TRIM68: variants seen among roughly 807,000 people sequenced by gnomAD.
TRIM68 encodes the protein tripartite motif containing 68, also known as E3 ubiquitin-protein ligase TRIM68.
Under a neutral mutation model 41.9 loss-of-function variants are expected in TRIM68, and 36 were observed. The observed-to-expected ratio is 0.86, with a 90% CI of 0.66 to 1.14. The LOEUF (loss-of-function observed/expected upper bound fraction) is 1.14, where lower values mean the gene tolerates loss of function less well. Ranked by LOEUF, TRIM68 falls within the 50% of genes most tolerant of loss-of-function variation. The probability of loss-of-function intolerance (pLI) is 0.00; values close to 1 mark genes in which losing one functional copy is unlikely to be tolerated. For synonymous variants in TRIM68, 225 were observed against 224.6 expected (o/e 1.00, Z -0.02); for missense variants, 632 against 605.1 (o/e 1.04, Z -0.47).
chr11:4,600,112 T>TTAA lies in TRIM68; in HGVS notation c.*163_*164insTTA. 1 of 683,514 alleles carries TTAA rather than the reference T, an allele frequency of 1.5e-6. No homozygotes were observed. Among genetic ancestry groups the TTAA allele is most frequent in the South Asian group, 2.8e-5 (1 of 36,016 alleles). The allele number at this position is 683,514 out of a possible 1,614,324, so 42.3% of individuals were successfully genotyped here. A position where few individuals can be genotyped will look rare whatever the true frequency, so the allele number is the denominator to read the frequency against. ...CTGCTTTTTAAAATAAGTGGTTTCATGACAGACTTCAGCCTGGTAGCAAAG... is the reference window on the plus strand; with the variant it reads ...CTGCTTTTTAAAATAAGTGGTTTCATTAAGACAGACTTCAGCCTGGTAGCAAAG... On this transcript the variant is annotated 3_prime_UTR_variant, in exon 7 of 7. Coordinates refer to ENST00000300747, the MANE Select transcript of TRIM68 (RefSeq NM_018073.8).
chr11:4,602,515 T>C, intron 3 of TRIM68, 103 bp from the exon 4 acceptor site: 1 of 1,443,672 alleles, frequency 6.9e-7, no homozygotes, highest in Non-Finnish European at 9.4e-7. Context: ...ACCAACCACG[T>C]GACAGGCTAT....
At position 4,602,355 on chromosome 11, in the gene TRIM68, ATCG is replaced by A; in HGVS notation, c.577_579del (p.Arg193del). ...TGTGGTGGCTGCTTTTTCTCTAGTA[ATCG>A]CTGGTATTTTTCAAACTCCCATACA... On this transcript the variant is annotated inframe_deletion, in exon 4 of 7. Coordinates refer to ENST00000300747, the MANE Select transcript of TRIM68 (RefSeq NM_018073.8). The A allele has an allele frequency of 6.2e-7, 1 of 1,613,960 alleles. No homozygotes were observed. The highest frequency in any genetic ancestry group is 8.5e-7 in the Non-Finnish European group (1 of 1,179,996).
chr11:4,606,052 AT>A (rs2133201832), intron 1 of TRIM68, among the ~76,000 whole-genome samples: 1 of 152,328 alleles, frequency 6.6e-6, no homozygotes, highest in East Asian at 1.9e-4. Flanking sequence ...TACAAGCTCA[AT>A]TTGTTTTCTT....
chr11:4,605,692 G>C (rs1209384540), intron 1 of TRIM68, 131 bp from the exon 2 acceptor site: 2 of 625,120 alleles, frequency 3.2e-6, no homozygotes, highest in African/African-American at 3.7e-5. Flanking sequence ...TCTTTAATAA[G>C]CATTGGCCTT....
At chr11:4,603,825 G>C (rs959251553) in intron 2 of TRIM68, among the ~76,000 whole-genome samples, 1 of 152,126 alleles carries the variant, frequency 6.6e-6, no homozygotes, top group Non-Finnish European at 1.5e-5. Context: ...CTTATTAAGG[G>C]TAAGAAGCAC....
At chr11:4,602,440 T>C (rs777856977) in intron 3 of TRIM68, 28 bp from the exon 4 acceptor site, 1 of 1,609,594 alleles carries the variant, frequency 6.2e-7, no homozygotes, top group African/African-American at 1.3e-5. Context: ...AAATCAGCAC[T>C]GATACTTTCA....
rs1280646189 is a variant in TRIM68 at position 4,600,603 on chromosome 11, T to G, written c.1131A>C (p.Gln377His). ...RSEWGLGVCKQNVDRKEVVYL... is the reference protein window; with the variant it reads ...RSEWGLGVCKHNVDRKEVVYL... ...AGACCACCTCCTTCCGGTCTACATT[T>G]TGCTTACATACTCCCAGGCCCCACT... The change falls in exon 7 of 7, where the codon CAA (glutamine) becomes CAC (histidine). Residue 377 changes from glutamine (Q) to histidine (H), a missense_variant. Coordinates refer to ENST00000300747, the MANE Select transcript of TRIM68 (RefSeq NM_018073.8). The G allele has an allele frequency of 6.2e-7, 1 of 1,614,114 alleles. No individual in the cohort carries two copies.
intron 6 of TRIM68, 87 bp downstream of exon 6, chr11:4,600,940 G>A: frequency 1.9e-6 from 3 of 1,565,660 alleles, no homozygotes; most frequent in Non-Finnish European, 2.6e-6. Flanking sequence ...GAGGCTGGAT[G>A]GAGCACCCAG....
chr11:4,603,220 C>A (rs1296838585), intron 3 of TRIM68, 25 bp downstream of exon 3: 1 of 1,611,326 alleles, frequency 6.2e-7, no homozygotes, highest in African/African-American at 1.3e-5. Context: ...CTGACACAAA[C>A]TCCTTTCCCC....
In TRIM68 at chr11:4,600,721, G is replaced by A. The variant is rs1846474441; in HGVS notation, c.1013C>T (p.Pro338Leu). The change falls in exon 7 of 7, where the codon CCT becomes CTT. Residue 338 changes from proline (P) to leucine (L), a missense_variant. Physicochemically the swap from Pro to Leu is moderately conservative, Grantham distance 98. Coordinates refer to ENST00000300747, the MANE Select transcript of TRIM68 (RefSeq NM_018073.8). ...GATATTATAGCGGTAAAATCTCTCA[G>A]GATTGTCTGGCAGTTTCTGGTTGGT... ...GDTNQKLPDN[P>L]ERFYRYNIVL... 1 of 1,614,170 alleles carries A rather than the reference G, an allele frequency of 6.2e-7. No homozygotes were observed. Among genetic ancestry groups the A allele is most frequent in the Non-Finnish European group, 8.5e-7 (1 of 1,180,030 alleles).
At position 4,602,254 on chromosome 11, in the gene TRIM68, C is replaced by T. The variant is rs1846502566; in HGVS notation, c.681G>A (p.Leu227=). 6.2e-7 allele frequency: 1 copy of T among 1,614,066 alleles called. No individual in the cohort carries two copies. Among genetic ancestry groups the T allele is most frequent in the Admixed American group, 1.7e-5 (1 of 60,002 alleles). The change falls in exon 4 of 7, where the codon CTG becomes CTA. Residue 227 remains leucine (L), a synonymous_variant. Coordinates refer to ENST00000300747, the MANE Select transcript of TRIM68 (RefSeq NM_018073.8). Reference sequence around the variant, plus strand: ...GGATGAGCTCGCTATGGTTCAACTCCAGTTTCTGCATGGTCTCCGCTGCCT... The same window carrying T: ...GGATGAGCTCGCTATGGTTCAACTCTAGTTTCTGCATGGTCTCCGCTGCCT... ...QREAAETMQK[L]ELNHSELIQQ... is the part of the protein sequence containing the mutation.
rs1846470842 is a variant in TRIM68 at position 4,600,610 on chromosome 11, C to T, written c.1124G>A (p.Cys375Tyr). ...GDRSEWGLGVCKQNVDRKEVV... is the reference protein window; with the variant it reads ...GDRSEWGLGVYKQNVDRKEVV... ...CTCCTTCCGGTCTACATTTTGCTTACATACTCCCAGGCCCCACTCAGACCT... is the reference window on the plus strand; with the variant it reads ...CTCCTTCCGGTCTACATTTTGCTTATATACTCCCAGGCCCCACTCAGACCT... Residue 375 changes from cysteine (C) to tyrosine (Y), a missense_variant, in exon 7 of 7, where the codon TGT (cysteine) becomes TAT (tyrosine). Transcript: ENST00000300747. 1.9e-6 allele frequency: 3 copies of T among 1,614,012 alleles called. No individual in the cohort carries two copies. In the South Asian group the frequency reaches 3.3e-5, roughly 18 times the overall value.
Position 4,605,432 on chromosome 11 carries a change from C to A in TRIM68, c.73G>T (p.Glu25Ter), listed in dbSNP as rs201589942. The A allele has an allele frequency of 1.2e-4, 188 of 1,614,014 alleles. No individual in the cohort carries two copies. Among genetic ancestry groups the A allele is most frequent in the Non-Finnish European group, 1.5e-4 (176 of 1,180,032 alleles). The change falls in exon 2 of 7, where the codon GAG becomes TAG. Residue 25 changes from glutamate to a stop codon, truncating the protein, a stop_gained. Coordinates refer to ENST00000300747, the MANE Select transcript of TRIM68 (RefSeq NM_018073.8). LOFTEE classifies it high-confidence loss of function. Reference protein sequence around the residue: ...ACPICMTFLREPMSIDCGHSF... With the variant: ...ACPICMTFLR ...TGGCCACAGTCAATGCTCATGGGCT[C>A]CCTCAGGAAGGTCATACAGATGGGA...
At chr11:4,606,229 C>T in intron 1 of TRIM68, among the ~76,000 whole-genome samples, 1 of 152,222 alleles carries the variant, frequency 6.6e-6, no homozygotes, top group East Asian at 1.9e-4. Context: ...GATGAAATAA[C>T]ATCCCTTGGA....
Position 4,600,399 on chromosome 11 carries a change from G to C in TRIM68, c.1335C>G (p.His445Gln). 1.2e-6 allele frequency: 2 copies of C among 1,614,150 alleles called. No homozygotes were observed. Among genetic ancestry groups the C allele is most frequent in the Non-Finnish European group, 1.7e-6 (2 of 1,180,036 alleles). The change falls in exon 7 of 7, where the codon CAC becomes CAG. Residue 445 changes from histidine (H) to glutamine (Q), a missense_variant. Coordinates refer to ENST00000300747, the MANE Select transcript of TRIM68 (RefSeq NM_018073.8). ...AGGGATAGCGGGGGAAAGTGAAGAT[G>C]TGGGAGCCACAGTCAGTCACATTGT... ...SFYNVTDCGS[H>Q]IFTFPRYPFP...
At position 4,602,491 on chromosome 11, in the gene TRIM68, TAC is replaced by T. The variant is rs898168618; in HGVS notation, c.523-81_523-80del. On this transcript the variant is annotated intron_variant, in intron 3 of 6. Coordinates refer to ENST00000300747, the MANE Select transcript of TRIM68 (RefSeq NM_018073.8). ...GCATACTGACATATGCATACACACA[TAC>T]TCTGCAATGGTACCAACCACGTGAC... 1.9e-6 allele frequency: 3 copies of T among 1,547,148 alleles called. No individual in the cohort carries two copies. In the African/African-American group the frequency reaches 4.1e-5, roughly 21 times the overall value.
At position 4,602,176 on chromosome 11, in the gene TRIM68, C is replaced by T. The variant is rs1321293741; in HGVS notation, c.759G>A (p.Gln253=). 1 of 1,614,186 alleles carries T rather than the reference C, an allele frequency of 6.2e-7. No individual in the cohort carries two copies. Among genetic ancestry groups the T allele is most frequent in the Non-Finnish European group, 8.5e-7 (1 of 1,180,032 alleles). The change falls in exon 4 of 7, where the codon CAG becomes CAA. Residue 253 remains glutamine, a synonymous_variant. Transcript: ENST00000300747. Reference sequence around the variant, plus strand: ...CCTGCAACATCCAGCGGACAGGCCTCTGCGACCTCTCTTTCAACTCTGCAA... The same window carrying T: ...CCTGCAACATCCAGCGGACAGGCCTTTGCGACCTCTCTTTCAACTCTGCAA... ...RMIAELKERS[Q]RPVRWMLQDI...
chr11:4,602,978 C>G (rs1032449599), intron 3 of TRIM68, among the ~76,000 whole-genome samples: 1 of 152,218 alleles, frequency 6.6e-6, no homozygotes, highest in African/African-American at 2.4e-5. Flanking sequence ...CCACTGTGAG[C>G]TGACACACGT....
rs780111999 is a variant in TRIM68, at chr11:4,600,803, T to C, written c.931A>G (p.Thr311Ala). 5.6e-5 allele frequency: 91 copies of C among 1,613,454 alleles called. 1 individual carries two copies. The highest frequency in any genetic ancestry group is 7.7e-5 in the Non-Finnish European group (91 of 1,179,622). Residue 311 changes from threonine (T) to alanine (A), a missense_variant, in exon 7 of 7, where the codon ACT (threonine) becomes GCT (alanine). By Grantham distance (58) the Thr-to-Ala change is moderately conservative. Coordinates refer to ENST00000300747, the MANE Select transcript of TRIM68 (RefSeq NM_018073.8). ...GACACGATGAGACGGGAGTAAGCAG[T>C]ATCTGGATCCAAGCGCACATCAGCT... Reference protein sequence around the residue: ...YAADVRLDPDTAYSRLIVSED... With the variant: ...YAADVRLDPDAAYSRLIVSED...
Sources: gnomAD v4.1 joint callset for allele counts (sites outside exome capture counted in the v4.1 genomes callset) on GRCh38, gnomAD v4.1.1 for gene constraint, MANE v1.5 for transcripts, NCBI Gene and HGNC (gene_info 2026-07-23, HGNC 2026-07-21) for gene names.